The following NCKAP5 variants were observed in gnomAD, a reference collection of about 807,000 sequenced individuals.
NCKAP5 encodes the protein nck-associated protein 5.
Under a neutral mutation model 167.0 loss-of-function variants are expected in NCKAP5, and 92 were observed. The ratio of observed to expected loss-of-function variants is 0.55; its 90% CI spans 0.47 to 0.66. The LOEUF is 0.66. Ranked by LOEUF, NCKAP5 falls within the 30% of genes least tolerant of loss-of-function variation. The pLI, the probability that NCKAP5 is intolerant of heterozygous loss-of-function variation, is 0.00. For missense variants in NCKAP5, 2,378 were observed against 2,315.0 expected (o/e 1.03, Z -0.56); for synonymous variants, 891 against 877.4 (o/e 1.02, Z -0.27).
At chr2:133,231,432 G>T (rs1252924954) in intron 4 of NCKAP5, among the ~76,000 whole-genome samples, 1 of 152,154 alleles carries the variant, frequency 6.6e-6, no homozygotes, top group Non-Finnish European at 1.5e-5. Flanking sequence ...GGGGTTACTA[G>T]GGAAGGTGAC....
At position 132,780,770 on chromosome 2, in the gene NCKAP5, C is replaced by T. The variant is rs1682962337; in HGVS notation, c.5049+282G>A. ...TGTAATTTGAAGATGATACCAGTAG[C>T]ATCATTTGCCTGGACTCACTGCGAT... On this transcript the variant is annotated intron_variant, in intron 15 of 19. Transcript: ENST00000409261. Among the ~76,000 whole-genome samples the T allele has an allele frequency of 1.3e-5, 2 of 152,150 alleles. 1 individual carries two copies. Among genetic ancestry groups the T allele is most frequent in the South Asian group, 4.1e-4 (2 of 4,826 alleles).
intron 6 of NCKAP5, among the ~76,000 whole-genome samples, chr2:133,022,352 G>C (rs1388442748): frequency 6.6e-6 from 1 of 152,136 alleles, no homozygotes; most frequent in African/African-American, 2.4e-5. Context: ...GCTCATTATA[G>C]AACTTTCATT....
the NCKAP5 span, among the ~76,000 whole-genome samples, chr2:133,667,610 G>C: frequency 0.054 from 8,216 of 151,976 alleles, 836 homozygotes; most frequent in African/African-American, 0.19. Context: ...CAGAAGAGTA[G>C]AACTTACTTA....
intron 11 of NCKAP5, among the ~76,000 whole-genome samples, chr2:132,858,019 G>A (rs542178123): frequency 4.6e-5 from 7 of 152,258 alleles, no homozygotes; most frequent in Non-Finnish European, 7.4e-5. Flanking sequence ...AAATCACAAT[G>A]TGTTCATAAC....
intron 8 of NCKAP5, among the ~76,000 whole-genome samples, chr2:132,925,681 T>C (rs931037862): frequency 3.3e-5 from 5 of 151,802 alleles, no homozygotes; most frequent in African/African-American, 1.2e-4. Flanking sequence ...CTGTGCAGCC[T>C]GGTTTCTAAC....
intron 4 of NCKAP5, among the ~76,000 whole-genome samples, chr2:133,249,750 C>A (rs1185765533): frequency 6.6e-6 from 1 of 151,882 alleles, no homozygotes; most frequent in Non-Finnish European, 1.5e-5. Context: ...AAACCAATAA[C>A]TACAAATATA....
intron 6 of NCKAP5, among the ~76,000 whole-genome samples, chr2:133,111,126 C>T (rs190103225): frequency 1.3e-3 from 196 of 152,208 alleles, no homozygotes; most frequent in Non-Finnish European, 2.1e-3. Context: ...GTCGAAAATT[C>T]GAATTTTGGA....
At chr2:132,850,567 T>C (rs998201908) in intron 11 of NCKAP5, among the ~76,000 whole-genome samples, 1 of 151,984 alleles carries the variant, frequency 6.6e-6, no homozygotes, top group Non-Finnish European at 1.5e-5. Flanking sequence ...TAAAAAGGTA[T>C]AGAACAATCT....
At chr2:132,811,858 C>A (rs1435123397) in intron 11 of NCKAP5, among the ~76,000 whole-genome samples, 1 of 152,152 alleles carries the variant, frequency 6.6e-6, no homozygotes, top group Admixed American at 6.5e-5. Context: ...AGTTTTACCC[C>A]CCGCTCCTCT....
In NCKAP5 at chr2:133,003,313, C is replaced by T. The variant is rs552148981; in HGVS notation, c.342-9074G>A. 1.5e-3 allele frequency among the ~76,000 whole-genome samples: 230 copies of T among 152,302 alleles called. 1 individual carries two copies. The highest frequency in any genetic ancestry group is 6.8e-3 in the Middle Eastern group (2 of 292). On this transcript the variant is annotated intron_variant, in intron 6 of 19. Coordinates refer to ENST00000409261, the MANE Select transcript of NCKAP5 (RefSeq NM_207363.3). ...TCCATTGCCTTCCTCAACAAACTAT[C>T]CTACCTTCCCATTTTAATTGCAATG...
At chr2:133,178,825 G>A (rs1380249604) in intron 5 of NCKAP5, among the ~76,000 whole-genome samples, 5 of 84,002 alleles carry the variant, frequency 6.0e-5, no homozygotes, top group Admixed American at 5.2e-4. Context: ...GCAAGACTCC[G>A]TCTCAAAAAA....
chr2:132,941,053 T>C (rs1421038918), intron 8 of NCKAP5, among the ~76,000 whole-genome samples: 1 of 152,170 alleles, frequency 6.6e-6, no homozygotes, highest in Non-Finnish European at 1.5e-5. Context: ...AGTTGCTAGA[T>C]TTGGAAACTA....
At chr2:133,394,450 GGT>G (rs1687614226) in intron 3 of NCKAP5, among the ~76,000 whole-genome samples, 1 of 152,186 alleles carries the variant, frequency 6.6e-6, no homozygotes, top group South Asian at 2.1e-4. Flanking sequence ...GAAAGAGGCA[GGT>G]GTGGGGTTGG....
chr2:133,076,756 G>T (rs749856295), intron 6 of NCKAP5, among the ~76,000 whole-genome samples: 19 of 152,162 alleles, frequency 1.2e-4, no homozygotes, highest in African/African-American at 3.9e-4. Context: ...GCCATCCATG[G>T]TCACAGGACG....
At chr2:133,297,954 G>A (rs1045546124) in intron 4 of NCKAP5, among the ~76,000 whole-genome samples, 12 of 152,186 alleles carry the variant, frequency 7.9e-5, no homozygotes, top group Admixed American at 5.2e-4. Flanking sequence ...ATCTGGTTGT[G>A]CTTGTGAACA....
intron 4 of NCKAP5, among the ~76,000 whole-genome samples, chr2:133,218,371 C>T (rs13392755): frequency 0.39 from 58,524 of 151,924 alleles, 11,534 homozygotes; most frequent in Admixed American, 0.41. Flanking sequence ...TTTTCACATC[C>T]GCTTCAGCAT....
At chr2:133,498,480 A>AAGGCAGGCAGGCAGGC (rs60553398) in intron 3 of NCKAP5, among the ~76,000 whole-genome samples, 29 of 101,802 alleles carry the variant, frequency 2.8e-4, no homozygotes, top group African/African-American at 1.4e-3. Flanking sequence ...GGAAGGAAGG[A>AAGGCAGGCAGGCAGGC]AGGCAGGCAG....
chr2:133,148,856 G>C (rs1446979759), intron 5 of NCKAP5, among the ~76,000 whole-genome samples: 1 of 152,094 alleles, frequency 6.6e-6, no homozygotes, highest in Non-Finnish European at 1.5e-5. Flanking sequence ...TTGGAAATGA[G>C]AGTTTCAACA....
intron 8 of NCKAP5, among the ~76,000 whole-genome samples, chr2:132,922,371 A>C (rs1695507656): frequency 1.3e-5 from 2 of 152,206 alleles, no homozygotes; most frequent in Non-Finnish European, 2.9e-5. Context: ...AGGCTTTTCC[A>C]GTAGAATGTT....
Sources: allele counts gnomAD v4.1 joint callset (sites outside exome capture counted in the v4.1 genomes callset), GRCh38; gene constraint gnomAD v4.1.1; transcripts MANE v1.5; gene names NCBI Gene and HGNC (gene_info 2026-07-23, HGNC 2026-07-21).